Variants in GPHN observed in about 807,000 individuals in gnomAD.
GPHN encodes the protein gephyrin.
In GPHN, 17 loss-of-function variants were observed where a neutral mutation model predicts 95.5. The ratio of observed to expected loss-of-function variants is 0.18; its 90% CI spans 0.12 to 0.27. The LOEUF is 0.27. Among genes scored for constraint, GPHN ranks in the 10% least tolerant of loss-of-function variants. The probability of loss-of-function intolerance (pLI) is 1.00; values close to 1 mark genes in which losing one functional copy is unlikely to be tolerated. For synonymous variants in GPHN, 320 were observed against 322.5 expected (o/e 0.99, Z 0.08); for missense variants, 660 against 978.1 (o/e 0.67, Z 4.34).
intron 8 of GPHN, among the ~76,000 whole-genome samples, chr14:66,963,106 A>G (rs1378413139): frequency 6.6e-6 from 1 of 151,980 alleles, no homozygotes; most frequent in African/African-American, 2.4e-5. Flanking sequence ...AGGTGATCTG[A>G]CACATTTGAA....
At chr14:66,679,245 A>C (rs2066799518) in intron 1 of GPHN, among the ~76,000 whole-genome samples, 1 of 152,234 alleles carries the variant, frequency 6.6e-6, no homozygotes, top group African/African-American at 2.4e-5. Context: ...ATTTATCTCA[A>C]GTATTTTAAA....
the GPHN span, chr14:67,585,593 A>T: frequency 1.6e-5 from 26 of 1,584,714 alleles, no homozygotes; most frequent in Non-Finnish European, 2.2e-5. Context: ...TCCAAGGAGA[A>T]CGCTCTGGTG....
chr14:67,093,451 C>G (rs926607578), intron 12 of GPHN, among the ~76,000 whole-genome samples: 1 of 151,990 alleles, frequency 6.6e-6, no homozygotes, highest in Admixed American at 6.6e-5. Flanking sequence ...AATCCTCTTT[C>G]GCTACAACTG....
At chr14:67,517,986 A>T in the GPHN span, among the ~76,000 whole-genome samples, 1 of 152,208 alleles carries the variant, frequency 6.6e-6, no homozygotes, top group Admixed American at 6.5e-5. Context: ...CATCTGTAAC[A>T]GTAAGGGGCC....
chr14:67,573,326 G>A, the GPHN span: 3 of 1,613,780 alleles, frequency 1.9e-6, no homozygotes, highest in African/African-American at 4.0e-5. The surrounding 1 kb of genome is among the most constrained non-coding windows in gnomAD (Gnocchi z 4.8). Context: ...GCCAGGTGAA[G>A]ACGTGGAAGA....
At chr14:67,611,045 G>T in the GPHN span, 1 of 156,934 alleles carries the variant, frequency 6.4e-6, no homozygotes. Context: ...GTGTGAACGA[G>T]GTGCACGTGG....
At chr14:66,654,908 T>C (rs547696309) in intron 1 of GPHN, among the ~76,000 whole-genome samples, 20 of 152,310 alleles carry the variant, frequency 1.3e-4, no homozygotes, top group African/African-American at 4.1e-4. Context: ...TTTTTACTTA[T>C]GTGTAAAATC....
the GPHN span, among the ~76,000 whole-genome samples, chr14:67,572,671 C>A: frequency 6.6e-6 from 1 of 152,206 alleles, no homozygotes. Context: ...TCCTCACAAT[C>A]CTCTTGGGGT....
chr14:67,359,654 T>C, the GPHN span: 2 of 1,614,070 alleles, frequency 1.2e-6, no homozygotes, highest in East Asian at 4.5e-5. Context: ...ATTCCTTTAC[T>C]TACATTCGCG....
chr14:66,683,564 G>T (rs2067137384), intron 2 of GPHN, among the ~76,000 whole-genome samples: 1 of 136,158 alleles, frequency 7.3e-6, no homozygotes, highest in South Asian at 2.5e-4. Flanking sequence ...CAGACTCTTG[G>T]CATAAATGTT....
chr14:67,224,785 T>C, the GPHN span: 1 of 247,304 alleles, frequency 4.0e-6, no homozygotes, highest in Non-Finnish European at 7.9e-6. Context: ...CCCATCTTTC[T>C]TTTCCATGTT....
chr14:66,974,986 A>G (rs1432959813), intron 9 of GPHN, among the ~76,000 whole-genome samples: 1 of 152,186 alleles, frequency 6.6e-6, no homozygotes, highest in Non-Finnish European at 1.5e-5. Context: ...TATATAAATC[A>G]CAGCACAATG....
the GPHN span, chr14:67,684,491 T>G: frequency 6.6e-6 from 1 of 152,292 alleles, no homozygotes; most frequent in Non-Finnish European, 1.5e-5. Context: ...TTCAAAATTC[T>G]CTACATTTAA....
intron 20 of GPHN, among the ~76,000 whole-genome samples, chr14:67,165,956 T>C (rs2082252494): frequency 6.6e-6 from 1 of 152,248 alleles, no homozygotes; most frequent in African/African-American, 2.4e-5. Context: ...GTGCATCTTT[T>C]TTTTAACTTT....
chr14:66,742,845 C>T (rs8003643), intron 2 of GPHN, among the ~76,000 whole-genome samples: 47,879 of 152,034 alleles, frequency 0.31, 11,527 homozygotes, highest in African/African-American at 0.65. Flanking sequence ...TACTGCAAGC[C>T]CGGCCTTCTG....
chr14:66,531,079 G>A (rs2058914027), intron 1 of GPHN, among the ~76,000 whole-genome samples: 1 of 150,546 alleles, frequency 6.6e-6, no homozygotes, highest in African/African-American at 2.5e-5. Flanking sequence ...CCAAATAGCT[G>A]GGATTACAGG....
chr14:66,944,693 G>A (rs2067637288), intron 8 of GPHN, among the ~76,000 whole-genome samples: 1 of 152,220 alleles, frequency 6.6e-6, no homozygotes, highest in South Asian at 2.1e-4. Context: ...TAATAGGGTG[G>A]AGAAAAGAAA....
the GPHN span, among the ~76,000 whole-genome samples, chr14:67,672,308 G>A: frequency 1.8e-4 from 27 of 151,690 alleles, no homozygotes; most frequent in East Asian, 5.0e-3. Context: ...TTGTAGAGAT[G>A]AGGTTTCACC....
the GPHN span, among the ~76,000 whole-genome samples, chr14:67,547,347 C>T: frequency 2.6e-5 from 4 of 152,206 alleles, no homozygotes; most frequent in Admixed American, 1.3e-4. Context: ...AGGATTGTGT[C>T]TGTCCTCTGC....
Sources: gnomAD v4.1 joint callset for allele counts (sites outside exome capture counted in the v4.1 genomes callset) on GRCh38, gnomAD v4.1.1 for gene constraint, Gnocchi (gnomAD v3.1) non-coding constraint, MANE v1.5 for transcripts, NCBI Gene and HGNC (gene_info 2026-07-23, HGNC 2026-07-21) for gene names.